The following KANK1 variants were observed in gnomAD, a reference collection of about 807,000 sequenced individuals.
KANK1 encodes the protein KN motif and ankyrin repeat domain-containing protein 1.
In KANK1, 109 loss-of-function variants were observed where a neutral mutation model predicts 106.2. The observed-to-expected ratio is 1.03, with a 90% confidence interval of 0.88 to 1.20. The LOEUF (loss-of-function observed/expected upper bound fraction) is 1.20, where lower values mean the gene tolerates loss of function less well. Ranked by LOEUF, KANK1 falls within the 50% of genes most tolerant of loss-of-function variation. The pLI is 0.00. For missense variants in KANK1, 2,399 were observed against 1,710.7 expected (o/e 1.40, Z -7.10); for synonymous variants, 873 against 652.2 (o/e 1.34, Z -5.16).
At chr9:600,513 TATAA>T (rs1827474570) in intron 1 of KANK1, among the ~76,000 whole-genome samples, 1 of 151,900 alleles carries the variant, frequency 6.6e-6, no homozygotes, top group African/African-American at 2.4e-5. Context: ...CTAAATAGAA[TATAA>T]ATAAATAAAA....
intron 1 of KANK1, among the ~76,000 whole-genome samples, chr9:637,312 TTCA>T (rs1431277507): frequency 1.3e-5 from 2 of 152,198 alleles, no homozygotes; most frequent in East Asian, 1.9e-4. Context: ...TCTCTGGCCT[TTCA>T]TCATCTGTGA....
intron 1 of KANK1, among the ~76,000 whole-genome samples, chr9:559,107 A>T (rs1168131197): frequency 2.6e-5 from 4 of 152,210 alleles, no homozygotes; most frequent in Non-Finnish European, 5.9e-5. Context: ...TCTGTATTTT[A>T]AATGAGCCTT....
At chr9:523,045 G>T (rs2059620853) in intron 1 of KANK1, among the ~76,000 whole-genome samples, 2 of 151,586 alleles carry the variant, frequency 1.3e-5, no homozygotes, top group African/African-American at 4.9e-5. Context: ...TTCTCGTGGT[G>T]ACCTCATCTT....
At chr9:725,976 AAAAG>A (rs1246136521) in intron 3 of KANK1, among the ~76,000 whole-genome samples, 4 of 152,348 alleles carry the variant, frequency 2.6e-5, no homozygotes, top group Non-Finnish European at 5.9e-5. Flanking sequence ...ACTAGAGACA[AAAAG>A]AAAAAAGTTA....
intron 1 of KANK1, among the ~76,000 whole-genome samples, chr9:671,260 G>C (rs1018147624): frequency 1.3e-5 from 2 of 150,882 alleles, no homozygotes; most frequent in African/African-American, 4.9e-5. Context: ...TTTCAGTTTT[G>C]GAAGTATTTG....
intron 1 of KANK1, among the ~76,000 whole-genome samples, chr9:533,696 C>G (rs894792396): frequency 6.6e-6 from 1 of 152,100 alleles, no homozygotes; most frequent in African/African-American, 2.4e-5. Flanking sequence ...CCCAGTCTGT[C>G]AAAACTGAGG....
At chr9:575,192 T>C (rs151133028) in intron 1 of KANK1, among the ~76,000 whole-genome samples, 2 of 152,362 alleles carry the variant, frequency 1.3e-5, no homozygotes, top group African/African-American at 4.8e-5. Context: ...TACTTGGTAA[T>C]GTCCTTAAAA....
At chr9:483,190 G>A (rs896203694) in intron 3 of KANK1, among the ~76,000 whole-genome samples, 4 of 152,074 alleles carry the variant, frequency 2.6e-5, no homozygotes, top group African/African-American at 9.7e-5. Context: ...AAAAAACATA[G>A]TATATAGAGG....
intron 2 of KANK1, among the ~76,000 whole-genome samples, chr9:708,544 T>A (rs1033220039): frequency 1.3e-5 from 2 of 152,236 alleles, no homozygotes; most frequent in Non-Finnish European, 2.9e-5. Context: ...ACGTAAGGAA[T>A]ATACGTCCTT....
intron 2 of KANK1, chr9:693,657 A>G (rs992403969): frequency 1.7e-5 from 17 of 985,282 alleles, no homozygotes; most frequent in Non-Finnish European, 2.0e-5. Flanking sequence ...ATGGGTATAA[A>G]TAAATTCTCT....
intron 1 of KANK1, among the ~76,000 whole-genome samples, chr9:633,261 C>G (rs1836227626): frequency 6.6e-6 from 1 of 152,058 alleles, no homozygotes; most frequent in African/African-American, 2.4e-5. Flanking sequence ...TCGAGACCAT[C>G]CCGGCTAACA....
At chr9:506,335 C>T (rs574598240) in intron 1 of KANK1, among the ~76,000 whole-genome samples, 1 of 152,220 alleles carries the variant, frequency 6.6e-6, no homozygotes, top group East Asian at 1.9e-4. Context: ...TATTGGCTGT[C>T]CTATGGGGAG....
intron 1 of KANK1, among the ~76,000 whole-genome samples, chr9:541,135 CAAAA>C (rs1003820470): frequency 6.6e-6 from 1 of 151,010 alleles, no homozygotes; most frequent in Non-Finnish European, 1.5e-5. Context: ...AAAAAAAACA[CAAAA>C]AAACAGAGAG....
chr9:490,219 C>CA (rs1164671870), intron 3 of KANK1, among the ~76,000 whole-genome samples: 1 of 152,154 alleles, frequency 6.6e-6, no homozygotes, highest in Non-Finnish European at 1.5e-5. Context: ...AACAAATAGA[C>CA]AGTCAGGCAC....
intron 3 of KANK1, among the ~76,000 whole-genome samples, chr9:476,949 A>G (rs1028886043): frequency 1.3e-5 from 2 of 152,214 alleles, no homozygotes; most frequent in Non-Finnish European, 2.9e-5. Context: ...TAGCTCTGCT[A>G]CTTTGCACAA....
intron 1 of KANK1, among the ~76,000 whole-genome samples, chr9:534,458 G>T (rs547246560): frequency 6.6e-6 from 1 of 152,132 alleles, no homozygotes; most frequent in African/African-American, 2.4e-5. Context: ...AGATTTTCTC[G>T]AAAGAAAAGG....
chr9:742,287 T>G lies in KANK1; in HGVS notation c.3779T>G (p.Val1260Gly), dbSNP rs1835812539. 2 of 1,614,126 alleles carry G rather than the reference T, an allele frequency of 1.2e-6. No individual in the cohort carries two copies. The highest frequency in any genetic ancestry group is 1.7e-6 in the Non-Finnish European group (2 of 1,180,004). ...GGCCTTCTGGCCTGTGGGGCTGATG[T>G]CAACATCCAGGATGACGAGGGCTCC... is the stretch of plus-strand genomic sequence containing the variant. Reference protein sequence around the residue: ...VKGLLACGADVNIQDDEGSTA... With the variant: ...VKGLLACGADGNIQDDEGSTA... Residue 1260 changes from valine (V) to glycine (G), a missense_variant, in exon 10 of 12, where the codon GTC becomes GGC. Physicochemically the swap from Val to Gly is moderately radical, Grantham distance 109. Transcript: ENST00000382297.
At chr9:484,708 C>G (rs1177987348) in intron 3 of KANK1, among the ~76,000 whole-genome samples, 2 of 152,172 alleles carry the variant, frequency 1.3e-5, no homozygotes, top group African/African-American at 4.8e-5. Context: ...GATCACAGGT[C>G]TGGTGGCTTG....
At chr9:547,811 C>T (rs917305976) in intron 1 of KANK1, among the ~76,000 whole-genome samples, 3 of 152,202 alleles carry the variant, frequency 2.0e-5, no homozygotes, top group Non-Finnish European at 4.4e-5. Flanking sequence ...TGGACTAGCC[C>T]ATGCTGTGAA....
Sources: gnomAD v4.1 joint callset for allele counts (sites outside exome capture counted in the v4.1 genomes callset) on GRCh38, gnomAD v4.1.1 for gene constraint, MANE v1.5 for transcripts, NCBI Gene and HGNC (gene_info 2026-07-23, HGNC 2026-07-21) for gene names.